Variants in AUTS2 observed in about 807,000 individuals in gnomAD.
AUTS2 encodes the protein activator of transcription and developmental regulator AUTS2.
In AUTS2, 17 loss-of-function variants were observed where a neutral mutation model predicts 112.4. That is an observed-to-expected ratio of 0.15 (90% CI 0.10 to 0.23). The LOEUF (loss-of-function observed/expected upper bound fraction) is 0.23, where lower values mean the gene tolerates loss of function less well. Among genes scored for constraint, AUTS2 ranks in the 10% least tolerant of loss-of-function variants. AUTS2 has a pLI of 1.00. For missense variants in AUTS2, 1,510 were observed against 1,701.6 expected (o/e 0.89, Z 1.98); for synonymous variants, 751 against 702.7 (o/e 1.07, Z -1.09).
At chr7:69,795,373 T>A (rs1370402457) in intron 1 of AUTS2, among the ~76,000 whole-genome samples, 1 of 152,132 alleles carries the variant, frequency 6.6e-6, no homozygotes, top group African/African-American at 2.4e-5. Context: ...TGGTAAGAGT[T>A]GTGAATCAGA....
intron 5 of AUTS2, among the ~76,000 whole-genome samples, chr7:70,573,010 C>T (rs1013870): frequency 0.14 from 21,735 of 152,124 alleles, 1,798 homozygotes; most frequent in Non-Finnish European, 0.18. Context: ...TTAGCTTAGC[C>T]GCTATTGAAT....
At chr7:70,278,091 G>C (rs1788022796) in intron 4 of AUTS2, among the ~76,000 whole-genome samples, 1 of 151,942 alleles carries the variant, frequency 6.6e-6, no homozygotes, top group Non-Finnish European at 1.5e-5. Context: ...ACATATTCCT[G>C]GGCAGAAGGT....
chr7:70,490,570 G>A (rs978440453), intron 5 of AUTS2, among the ~76,000 whole-genome samples: 4 of 152,108 alleles, frequency 2.6e-5, no homozygotes, highest in Non-Finnish European at 5.9e-5. Context: ...AGTTCCCACC[G>A]TTGAGTGGTG....
chr7:69,656,303 G>C (rs1013339348), intron 1 of AUTS2, among the ~76,000 whole-genome samples: 1 of 152,190 alleles, frequency 6.6e-6, no homozygotes, highest in African/African-American at 2.4e-5. Flanking sequence ...CTTGCCACCA[G>C]AGTGAAGTGA....
chr7:70,666,749 T>G (rs907662308), intron 5 of AUTS2, among the ~76,000 whole-genome samples: 1 of 151,920 alleles, frequency 6.6e-6, no homozygotes, highest in Non-Finnish European at 1.5e-5. Flanking sequence ...GCCGGGAGGG[T>G]AGTCAGAAAA....
intron 1 of AUTS2, among the ~76,000 whole-genome samples, chr7:69,673,187 G>A (rs1329747078): frequency 6.6e-6 from 1 of 152,126 alleles, no homozygotes; most frequent in African/African-American, 2.4e-5. Flanking sequence ...TTTAGATATG[G>A]GGATTGTATT....
At chr7:70,019,229 A>G (rs1194682132) in intron 2 of AUTS2, among the ~76,000 whole-genome samples, 9 of 152,200 alleles carry the variant, frequency 5.9e-5, no homozygotes, top group African/African-American at 1.7e-4. Flanking sequence ...ACATGGTTAC[A>G]TAGAGGGGAA....
chr7:69,979,446 T>C (rs1166368107), intron 2 of AUTS2, among the ~76,000 whole-genome samples: 2 of 152,234 alleles, frequency 1.3e-5, no homozygotes, highest in Non-Finnish European at 2.9e-5. Flanking sequence ...AACTGAAAAG[T>C]TCCAAGGGCT....
chr7:69,702,378 G>A (rs577867217), intron 1 of AUTS2, among the ~76,000 whole-genome samples: 17 of 152,324 alleles, frequency 1.1e-4, no homozygotes, highest in Middle Eastern at 6.8e-3. Flanking sequence ...GGGTGAGAAG[G>A]AAGGAAAATG....
At chr7:70,787,104 C>A (rs946869193) in intron 17 of AUTS2, 105 bp from the exon 18 acceptor site, 2 of 996,872 alleles carry the variant, frequency 2.0e-6, no homozygotes, top group Admixed American at 2.0e-5. Context: ...AATATGTATT[C>A]ATTTTAACTC....
chr7:70,496,798 C>A (rs1798550008), intron 5 of AUTS2, among the ~76,000 whole-genome samples: 3 of 133,442 alleles, frequency 2.2e-5, no homozygotes, highest in African/African-American at 2.9e-5. Flanking sequence ...CACACACACC[C>A]CACACATGCA....
intron 2 of AUTS2, among the ~76,000 whole-genome samples, chr7:69,906,764 T>C (rs1404730185): frequency 6.6e-6 from 1 of 152,176 alleles, no homozygotes; most frequent in African/African-American, 2.4e-5. Context: ...TTCAGTTATG[T>C]ATATACATAG....
chr7:70,057,332 C>G (rs916850128), intron 2 of AUTS2, among the ~76,000 whole-genome samples: 1 of 152,160 alleles, frequency 6.6e-6, no homozygotes, highest in Non-Finnish European at 1.5e-5. Context: ...ATGGAGGAAG[C>G]TGGTAATACC....
At chr7:70,462,754 C>T (rs1324927323) in intron 5 of AUTS2, among the ~76,000 whole-genome samples, 1 of 151,882 alleles carries the variant, frequency 6.6e-6, no homozygotes, top group Non-Finnish European at 1.5e-5. Context: ...GTCAGGAGTT[C>T]GAGACTAGGC....
chr7:70,158,046 G>A (rs1239710968), intron 4 of AUTS2, among the ~76,000 whole-genome samples: 2 of 152,148 alleles, frequency 1.3e-5, no homozygotes, highest in East Asian at 1.9e-4. Flanking sequence ...GGTCATGGCG[G>A]GGGAGGAGGT....
At chr7:69,843,615 C>A (rs542231529) in intron 1 of AUTS2, among the ~76,000 whole-genome samples, 7 of 152,172 alleles carry the variant, frequency 4.6e-5, no homozygotes, top group Non-Finnish European at 8.8e-5. Flanking sequence ...AAGCAGTAAT[C>A]TGTGGTGGTT....
chr7:70,510,412 T>G (rs1799134437), intron 5 of AUTS2, among the ~76,000 whole-genome samples: 1 of 152,246 alleles, frequency 6.6e-6, no homozygotes, highest in African/African-American at 2.4e-5. Flanking sequence ...AACCAAATGT[T>G]CCTAGGAGGA....
chr7:70,713,895 CA>C (rs60280924), intron 6 of AUTS2, among the ~76,000 whole-genome samples: 108,661 of 143,726 alleles, frequency 0.76, 40,932 homozygotes, highest in East Asian at 1. Context: ...GACTCCGTCT[CA>C]AAAAAAAAAA....
At chr7:70,685,173 T>C (rs1030627031) in intron 5 of AUTS2, among the ~76,000 whole-genome samples, 6 of 152,032 alleles carry the variant, frequency 3.9e-5, no homozygotes, top group South Asian at 2.1e-4. Flanking sequence ...TCAGATCAGA[T>C]ACAGAAAAGT....
Sources: allele counts gnomAD v4.1 joint callset (sites outside exome capture counted in the v4.1 genomes callset), GRCh38; gene constraint gnomAD v4.1.1; transcripts MANE v1.5; gene names NCBI Gene and HGNC (gene_info 2026-07-23, HGNC 2026-07-21).